DSCAM: variants seen among roughly 807,000 people sequenced by gnomAD.
The protein encoded by DSCAM is DS cell adhesion molecule, also known as cell adhesion molecule DSCAM.
A neutral mutation model predicts 217.7 loss-of-function variants in DSCAM; 47 were observed. The observed-to-expected ratio is 0.22, with a 90% CI of 0.17 to 0.28. The LOEUF (loss-of-function observed/expected upper bound fraction) is 0.28, where lower values mean the gene tolerates loss of function less well. Ranked by LOEUF, DSCAM falls within the 10% of genes least tolerant of loss-of-function variation. The pLI is 1.00. For missense variants in DSCAM, 2,080 were observed against 2,618.3 expected, an observed-to-expected ratio of 0.79 and a Z score of 4.49; for synonymous variants, 1,056 against 1,015.3, an observed-to-expected ratio of 1.04 and a Z score of -0.76.
chr21:40,217,354 GA>G, intron 11 of DSCAM, among the ~76,000 whole-genome samples: 1 of 152,152 alleles, frequency 6.6e-6, no homozygotes, highest in East Asian at 1.9e-4. Flanking sequence ...TATGATTTCT[GA>G]GCCTTGTCAA....
chr21:40,452,203 A>C (rs2075725486), intron 3 of DSCAM, among the ~76,000 whole-genome samples: 1 of 150,960 alleles, frequency 6.6e-6, no homozygotes, highest in Non-Finnish European at 1.5e-5. Context: ...TATAATATCT[A>C]TAATAGTATA....
chr21:40,774,113 C>T (rs1335261581), intron 1 of DSCAM, among the ~76,000 whole-genome samples: 1 of 152,200 alleles, frequency 6.6e-6, no homozygotes, highest in East Asian at 1.9e-4. Flanking sequence ...GACAACAGTG[C>T]TTTGCACACC....
chr21:40,039,987 T>C (rs77590327), intron 32 of DSCAM, among the ~76,000 whole-genome samples: 3,759 of 152,270 alleles, frequency 0.025, 163 homozygotes, highest in African/African-American at 0.087. Context: ...AAAGCACAGC[T>C]CTAGGAGCTG....
At chr21:40,309,835 C>T (rs1413366724) in intron 9 of DSCAM, among the ~76,000 whole-genome samples, 1 of 152,144 alleles carries the variant, frequency 6.6e-6, no homozygotes, top group Non-Finnish European at 1.5e-5. Flanking sequence ...CTGAAATAGC[C>T]TGTTAACTAC....
chr21:40,811,352 C>T (rs1311375706), intron 1 of DSCAM, among the ~76,000 whole-genome samples: 7 of 152,098 alleles, frequency 4.6e-5, no homozygotes, highest in Admixed American at 6.5e-5. Context: ...CCTTTTTAAG[C>T]TTTTACCTGT....
At chr21:40,747,590 G>C (rs946242564) in intron 1 of DSCAM, among the ~76,000 whole-genome samples, 2 of 151,730 alleles carry the variant, frequency 1.3e-5, no homozygotes, top group Non-Finnish European at 3.0e-5. Flanking sequence ...AAACTCCCAA[G>C]ACTTAATGGT....
intron 3 of DSCAM, among the ~76,000 whole-genome samples, chr21:40,630,953 G>T (rs1462441053): frequency 6.6e-6 from 1 of 152,186 alleles, no homozygotes; most frequent in Non-Finnish European, 1.5e-5. Context: ...AGGAGAGAAA[G>T]ACTCTGGGGG....
At chr21:40,072,886 A>G (rs1470225040) in intron 27 of DSCAM, among the ~76,000 whole-genome samples, 1 of 152,318 alleles carries the variant, frequency 6.6e-6, no homozygotes, top group African/African-American at 2.4e-5. Flanking sequence ...ATGAAAGGCC[A>G]TGTTCTCTGA....
At chr21:40,178,205 A>C (rs958968854) in intron 15 of DSCAM, among the ~76,000 whole-genome samples, 1 of 152,140 alleles carries the variant, frequency 6.6e-6, no homozygotes. Flanking sequence ...CCCCCCGGAA[A>C]CATGAGTGGC....
At chr21:40,071,273 T>A (rs1188861925) in intron 27 of DSCAM, among the ~76,000 whole-genome samples, 1 of 151,974 alleles carries the variant, frequency 6.6e-6, no homozygotes, top group East Asian at 1.9e-4. Flanking sequence ...CTGGATAAGG[T>A]TATAGATTTA....
chr21:40,671,016 G>T (rs2837777), intron 3 of DSCAM, among the ~76,000 whole-genome samples: 63,030 of 152,024 alleles, frequency 0.41, 13,873 homozygotes, highest in East Asian at 0.57. Flanking sequence ...GTAAAGGCAG[G>T]ACCTAAAAAG....
chr21:40,731,808 A>G, intron 1 of DSCAM, among the ~76,000 whole-genome samples: 1 of 135,956 alleles, frequency 7.4e-6, no homozygotes, highest in East Asian at 2.3e-4. Context: ...AGCTCACTGC[A>G]ACCTCTGCCT....
In DSCAM at chr21:40,393,240, C is replaced by T. The variant is rs2123759000; in HGVS notation, c.509-23995G>A. Among the ~76,000 whole-genome samples, 5 of 152,314 alleles carry T rather than the reference C, an allele frequency of 3.3e-5. No homozygotes were observed. In the South Asian group the frequency reaches 1.0e-3, roughly 32 times the overall value. On this transcript the variant is annotated intron_variant, in intron 3 of 32. Transcript: ENST00000400454. Reference sequence around the variant, plus strand: ...AAGCCATACCCAAAGGCTCTGGCACCTTCCCCTTCATCATCCAGGAATCTC... The same window carrying T: ...AAGCCATACCCAAAGGCTCTGGCACTTTCCCCTTCATCATCCAGGAATCTC...
intron 19 of DSCAM, among the ~76,000 whole-genome samples, chr21:40,126,983 TG>T (rs1228045982): frequency 2.6e-5 from 4 of 152,360 alleles, no homozygotes; most frequent in South Asian, 2.1e-4. Context: ...CTTAAAGGTG[TG>T]GGCCCTGGAG....
chr21:40,799,267 G>C (rs560400442), intron 1 of DSCAM, among the ~76,000 whole-genome samples: 7 of 152,186 alleles, frequency 4.6e-5, no homozygotes, highest in African/African-American at 1.4e-4. Context: ...TCTCTAATTT[G>C]AATCTATATT....
intron 3 of DSCAM, among the ~76,000 whole-genome samples, chr21:40,444,292 C>T (rs1310122941): frequency 6.6e-6 from 1 of 152,056 alleles, no homozygotes; most frequent in Non-Finnish European, 1.5e-5. Context: ...AACTGGCAGC[C>T]AAGGTCGTGA....
At chr21:40,273,995 C>T (rs754394937) in intron 11 of DSCAM, among the ~76,000 whole-genome samples, 5 of 152,192 alleles carry the variant, frequency 3.3e-5, no homozygotes, top group Admixed American at 2.0e-4. Context: ...TCATTCCACA[C>T]GGTCACTGAT....
chr21:40,491,985 G>A (rs1265498739), intron 3 of DSCAM, among the ~76,000 whole-genome samples: 1 of 152,064 alleles, frequency 6.6e-6, no homozygotes, highest in Non-Finnish European at 1.5e-5. Context: ...GTTTGATGTA[G>A]TACCCTTCTT....
At chr21:40,648,271 ACACACACACACT>A (rs899927343) in intron 3 of DSCAM, among the ~76,000 whole-genome samples, 240 of 149,012 alleles carry the variant, frequency 1.6e-3, no homozygotes, top group Non-Finnish European at 3.0e-3. Flanking sequence ...ACACACACAC[ACACACACACACT>A]CACACACTGC....
Sources: allele counts gnomAD v4.1 joint callset (sites outside exome capture counted in the v4.1 genomes callset), GRCh38; gene constraint gnomAD v4.1.1; transcripts MANE v1.5; gene names NCBI Gene and HGNC (gene_info 2026-07-23, HGNC 2026-07-21).